PRKG1: variants seen among roughly 807,000 people sequenced by gnomAD.
The protein encoded by PRKG1 is protein kinase cGMP-dependent 1.
Under a neutral mutation model 88.1 loss-of-function variants are expected in PRKG1, and 35 were observed. The ratio of observed to expected loss-of-function variants is 0.40; its 90% confidence interval spans 0.30 to 0.53. The LOEUF is 0.53. Ranked by LOEUF, PRKG1 falls within the 20% of genes least tolerant of loss-of-function variation. PRKG1 has a pLI of 0.59. For synonymous variants in PRKG1, 303 were observed against 292.5 expected, an observed-to-expected ratio of 1.04 and a Z score of -0.37; for missense variants, 540 against 839.8, an observed-to-expected ratio of 0.64 and a Z score of 4.41.
intron 2 of PRKG1, among the ~76,000 whole-genome samples, chr10:51,308,259 G>A (rs890028942): frequency 1.3e-5 from 2 of 152,142 alleles, no homozygotes; most frequent in Non-Finnish European, 2.9e-5. Flanking sequence ...GTTAAGTACA[G>A]AGGTGCTTAA....
At chr10:52,026,601 G>T (rs924542080) in intron 5 of PRKG1, among the ~76,000 whole-genome samples, 1 of 152,170 alleles carries the variant, frequency 6.6e-6, no homozygotes, top group African/African-American at 2.4e-5. Context: ...TTCCTTTTAG[G>T]GGTGATGAAA....
chr10:51,231,921 T>G (rs1369939740), intron 2 of PRKG1, among the ~76,000 whole-genome samples: 5 of 152,168 alleles, frequency 3.3e-5, no homozygotes, highest in Non-Finnish European at 7.4e-5. Flanking sequence ...AATCTGAGGT[T>G]TTATGTCTTT....
At chr10:52,209,073 C>A (rs901897929) in intron 9 of PRKG1, among the ~76,000 whole-genome samples, 11 of 152,106 alleles carry the variant, frequency 7.2e-5, no homozygotes, top group African/African-American at 2.7e-4. Flanking sequence ...AAAATCCTAA[C>A]TAAAGAAAAA....
chr10:51,763,102 T>C (rs1402911628), intron 3 of PRKG1, among the ~76,000 whole-genome samples: 1 of 152,232 alleles, frequency 6.6e-6, no homozygotes, highest in Admixed American at 6.5e-5. Context: ...TATATGATAA[T>C]ATGACTGTAA....
At chr10:51,088,192 T>G (rs1844303154) in intron 1 of PRKG1, among the ~76,000 whole-genome samples, 2 of 152,222 alleles carry the variant, frequency 1.3e-5, no homozygotes. Flanking sequence ...AATTTTTAAG[T>G]AGCTTCGGCT....
intron 4 of PRKG1, among the ~76,000 whole-genome samples, chr10:51,835,666 T>C (rs1840113539): frequency 6.6e-6 from 1 of 152,242 alleles, no homozygotes; most frequent in Non-Finnish European, 1.5e-5. Context: ...CATATCTTGG[T>C]TATTGCGAAT....
intron 3 of PRKG1, among the ~76,000 whole-genome samples, chr10:51,517,689 C>T (rs1001391444): frequency 1.8e-4 from 27 of 152,176 alleles, no homozygotes; most frequent in African/African-American, 6.0e-4. Flanking sequence ...ATTTTTTTCA[C>T]TTGGGCTTGT....
At chr10:51,342,743 C>G (rs1321970217) in intron 2 of PRKG1, among the ~76,000 whole-genome samples, 1 of 152,144 alleles carries the variant, frequency 6.6e-6, no homozygotes, top group Non-Finnish European at 1.5e-5. Flanking sequence ...ATCAGAGAAT[C>G]ATAATAGCCC....
chr10:51,574,013 A>T (rs1284638932), intron 3 of PRKG1, among the ~76,000 whole-genome samples: 1 of 151,926 alleles, frequency 6.6e-6, no homozygotes, highest in Non-Finnish European at 1.5e-5. Flanking sequence ...CACATGTAAA[A>T]ATGTATGTCT....
chr10:51,157,208 T>G lies in PRKG1; in HGVS notation c.478+3878T>G, dbSNP rs576480660. 9.9e-5 allele frequency among the ~76,000 whole-genome samples: 15 copies of G among 152,012 alleles called. No individual in the cohort carries two copies. The South Asian group carries it at 3.1e-3, about 32-fold the overall frequency. ...GTCATCTGGGTGTAGTATGCAGACATTATCATGTATTTTCAAGCAAAATGA... is the reference window on the plus strand; with the variant it reads ...GTCATCTGGGTGTAGTATGCAGACAGTATCATGTATTTTCAAGCAAAATGA... On this transcript the variant is annotated intron_variant, in intron 2 of 17. Transcript: ENST00000373980.
chr10:52,130,168 A>G (rs1040505032), intron 7 of PRKG1, among the ~76,000 whole-genome samples: 1 of 152,142 alleles, frequency 6.6e-6, no homozygotes, highest in Non-Finnish European at 1.5e-5. Context: ...TTTCCCCCCA[A>G]TGTGATGCTT....
intron 3 of PRKG1, among the ~76,000 whole-genome samples, chr10:51,673,932 C>T (rs1468918830): frequency 6.6e-6 from 1 of 152,006 alleles, no homozygotes; most frequent in African/African-American, 2.4e-5. Flanking sequence ...GGGAATTTTT[C>T]CCCCTTTGGA....
intron 3 of PRKG1, among the ~76,000 whole-genome samples, chr10:51,684,061 G>A (rs1840920817): frequency 6.6e-6 from 1 of 152,080 alleles, no homozygotes; most frequent in African/African-American, 2.4e-5. Context: ...AAACATATGT[G>A]CACACAAATG....
chr10:52,289,492 A>G (rs1174150047), intron 16 of PRKG1, among the ~76,000 whole-genome samples: 1 of 152,118 alleles, frequency 6.6e-6, no homozygotes, highest in Non-Finnish European at 1.5e-5. Context: ...CTAAAGCTAA[A>G]CTAATTGGGT....
At chr10:51,937,972 A>G (rs901257339) in intron 5 of PRKG1, among the ~76,000 whole-genome samples, 14 of 152,074 alleles carry the variant, frequency 9.2e-5, no homozygotes, top group South Asian at 6.2e-4. Flanking sequence ...CTTATACGCT[A>G]TCTGCCTGTT....
chr10:52,116,413 A>C (rs561280237), intron 7 of PRKG1, among the ~76,000 whole-genome samples: 3 of 152,280 alleles, frequency 2.0e-5, no homozygotes, highest in African/African-American at 7.2e-5. Context: ...GAATGAGCCG[A>C]TGTTATTCTA....
intron 2 of PRKG1, among the ~76,000 whole-genome samples, chr10:51,201,226 C>T (rs775863007): frequency 2.6e-5 from 4 of 151,992 alleles, no homozygotes; most frequent in African/African-American, 9.7e-5. Context: ...TTTGGGAGGC[C>T]GAGGTGGGTG....
intron 2 of PRKG1, among the ~76,000 whole-genome samples, chr10:51,189,248 A>C (rs1170681542): frequency 1.3e-5 from 2 of 151,936 alleles, no homozygotes; most frequent in Non-Finnish European, 2.9e-5. Flanking sequence ...GGTTTTAAAA[A>C]ATATTTCCTT....
At chr10:51,651,251 G>A (rs1250314836) in intron 3 of PRKG1, among the ~76,000 whole-genome samples, 5 of 152,184 alleles carry the variant, frequency 3.3e-5, no homozygotes, top group East Asian at 1.9e-4. Flanking sequence ...TCTGACAGTA[G>A]CCTTCCTTTC....
Sources: allele counts gnomAD v4.1 joint callset (sites outside exome capture counted in the v4.1 genomes callset), GRCh38; gene constraint gnomAD v4.1.1; transcripts MANE v1.5; gene names NCBI Gene and HGNC (gene_info 2026-07-23, HGNC 2026-07-21).